Variants in DNAH3 observed in about 807,000 individuals in gnomAD.
DNAH3 encodes the protein dynein axonemal heavy chain 3.
Under a neutral mutation model 432.5 loss-of-function variants are expected in DNAH3, and 332 were observed. The ratio of observed to expected loss-of-function variants is 0.77; its 90% CI spans 0.70 to 0.84. DNAH3 has a LOEUF of 0.84. DNAH3 is among the 40% of genes least tolerant of loss of function. DNAH3 has a pLI of 0.00. For missense variants in DNAH3, 4,861 were observed against 5,114.0 expected (o/e 0.95, Z 1.51); for synonymous variants, 1,956 against 1,900.2 (o/e 1.03, Z -0.76).
chr16:21,046,524 C>T (rs1183499845), intron 31 of DNAH3, among the ~76,000 whole-genome samples: 5 of 151,860 alleles, frequency 3.3e-5, no homozygotes, highest in African/African-American at 4.8e-5. Flanking sequence ...TTTTCATTGG[C>T]TTGGTAGATC....
chr16:21,036,698 G>T lies in DNAH3; in HGVS notation c.5085+16C>A. The T allele has an allele frequency of 1.9e-6, 3 of 1,611,680 alleles. No individual in the cohort carries two copies. The highest frequency in any genetic ancestry group is 1.7e-4 in the Middle Eastern group (1 of 6,044). On this transcript the variant is annotated intron_variant, in intron 35 of 61. Transcript: ENST00000261383. ...AACAGTAAAACAGGCACATTTATAT[G>T]GGCTAAGGAACCAACCTGGATAATT...
chr16:21,076,763 C>T (rs1157060015), intron 20 of DNAH3, among the ~76,000 whole-genome samples: 1 of 152,088 alleles, frequency 6.6e-6, no homozygotes, highest in Non-Finnish European at 1.5e-5. Flanking sequence ...GTGCTACTGC[C>T]CAGTGGGAAC....
intron 32 of DNAH3, 88 bp from the exon 33 acceptor site, chr16:21,040,031 T>C: frequency 8.9e-7 from 1 of 1,127,702 alleles, no homozygotes; most frequent in Non-Finnish European, 1.3e-6. Flanking sequence ...GAAGTAGCTT[T>C]GCTTCATTCA....
chr16:21,144,640 G>T (rs2092759020), intron 3 of DNAH3, among the ~76,000 whole-genome samples: 1 of 152,122 alleles, frequency 6.6e-6, no homozygotes, highest in Admixed American at 6.6e-5. Context: ...CAGAATTTTG[G>T]AATAACTTAT....
chr16:21,037,184 C>T (rs565570742), intron 34 of DNAH3, among the ~76,000 whole-genome samples: 2 of 152,122 alleles, frequency 1.3e-5, no homozygotes, highest in Non-Finnish European at 2.9e-5. Context: ...TGGCTCATGC[C>T]TGTAATCCCA....
intron 18 of DNAH3, 109 bp from the exon 19 acceptor site, chr16:21,087,169 A>G: frequency 1.1e-6 from 1 of 901,510 alleles, no homozygotes; most frequent in Non-Finnish European, 1.8e-6. Context: ...GGAGATTGGA[A>G]CACATACAGG....
chr16:21,092,447 T>C (rs1026864578), intron 18 of DNAH3, among the ~76,000 whole-genome samples: 1 of 151,832 alleles, frequency 6.6e-6, no homozygotes, highest in African/African-American at 2.4e-5. Context: ...TAGACACGGA[T>C]CTTACACCCT....
At chr16:20,985,831 C>T in intron 47 of DNAH3, 116 bp from the exon 48 acceptor site, 1 of 1,021,554 alleles carries the variant, frequency 9.8e-7, no homozygotes. Context: ...GCACATCCTT[C>T]AAGGTCATGG....
chr16:21,120,910 A>T (rs1401039930), intron 10 of DNAH3: 2 of 1,323,876 alleles, frequency 1.5e-6, no homozygotes, highest in Non-Finnish European at 2.1e-6. Context: ...TTTCCTTCCT[A>T]GGGATACTGG....
At chr16:21,078,222 C>A (rs1224883175) in intron 20 of DNAH3, among the ~76,000 whole-genome samples, 1 of 144,098 alleles carries the variant, frequency 6.9e-6, no homozygotes, top group Non-Finnish European at 1.5e-5. Context: ...TTGCATTGAG[C>A]CAAGATCATG....
chr16:21,026,983 T>C (rs1471749439), intron 38 of DNAH3, 44 bp downstream of exon 38: 3 of 1,393,952 alleles, frequency 2.2e-6, no homozygotes, highest in South Asian at 1.2e-5. Flanking sequence ...TTAGGGTGAG[T>C]GGAGCCACAC....
chr16:20,985,476 G>C, exon 48 of DNAH3: 1 of 1,614,188 alleles, frequency 6.2e-7, no homozygotes, highest in Non-Finnish European at 8.5e-7. Flanking sequence ...CCTGCTTCAG[G>C]ACACGGCAGA....
chr16:20,969,925 G>C (rs2085257586), exon 52 of DNAH3: 1 of 1,614,054 alleles, frequency 6.2e-7, no homozygotes, highest in Non-Finnish European at 8.5e-7. Context: ...GGTTCAGGGT[G>C]TCCAGAGCAG....
At chr16:20,987,915 A>C (rs1344182347) in intron 45 of DNAH3, 27 bp downstream of exon 45, 1 of 1,614,072 alleles carries the variant, frequency 6.2e-7, no homozygotes, top group Non-Finnish European at 8.5e-7. Flanking sequence ...CCAGCCCACT[A>C]TCCAGGAAGA....
At chr16:21,007,318 C>A (rs1201782770) in intron 41 of DNAH3, among the ~76,000 whole-genome samples, 1 of 151,152 alleles carries the variant, frequency 6.6e-6, no homozygotes, top group Non-Finnish European at 1.5e-5. Context: ...AGGTGATCCT[C>A]CTGCCTCAGC....
chr16:21,129,870 C>T (rs542989008), intron 7 of DNAH3: 18 of 152,164 alleles, frequency 1.2e-4, no homozygotes, highest in African/African-American at 4.1e-4. Context: ...ACACAAACCA[C>T]ACTCCCTATC....
At chr16:21,016,823 C>T (rs28392932) in intron 41 of DNAH3, among the ~76,000 whole-genome samples, 2,377 of 152,182 alleles carry the variant, frequency 0.016, 64 homozygotes, top group African/African-American at 0.054. Flanking sequence ...TATATTCAGC[C>T]TTAAGAAAGG....
chr16:21,062,153 G>GA (rs1421196341), intron 25 of DNAH3, among the ~76,000 whole-genome samples: 1 of 152,180 alleles, frequency 6.6e-6, no homozygotes, highest in East Asian at 1.9e-4. Context: ...CTGTCTAACT[G>GA]AATCACTTTC....
chr16:21,029,205 T>A (rs2088743106), intron 37 of DNAH3, among the ~76,000 whole-genome samples: 1 of 152,230 alleles, frequency 6.6e-6, no homozygotes, highest in Non-Finnish European at 1.5e-5. Flanking sequence ...AACATTTCCA[T>A]TTTTGAATAT....
Sources: gnomAD v4.1 joint callset for allele counts (sites outside exome capture counted in the v4.1 genomes callset) on GRCh38, gnomAD v4.1.1 for gene constraint, MANE v1.5 for transcripts, NCBI Gene and HGNC (gene_info 2026-07-23, HGNC 2026-07-21) for gene names.